The following ZNF407 variants were observed in gnomAD, a reference collection of about 807,000 sequenced individuals.
ZNF407 encodes zinc finger protein 407.
A neutral mutation model predicts 131.2 loss-of-function variants in ZNF407; 17 were observed. The observed-to-expected ratio is 0.13, with a 90% CI of 0.09 to 0.19. The LOEUF is 0.19. Ranked by LOEUF, ZNF407 falls within the 10% of genes least tolerant of loss-of-function variation. The probability of loss-of-function intolerance (pLI) is 1.00; values close to 1 mark genes in which losing one functional copy is unlikely to be tolerated. For synonymous variants in ZNF407, 1,156 were observed against 1,062.0 expected (o/e 1.09, Z -1.72); for missense variants, 2,681 against 2,830.6 (o/e 0.95, Z 1.20).
At chr18:74,908,353 A>G (rs1599235050) in intron 7 of ZNF407, among the ~76,000 whole-genome samples, 1 of 152,164 alleles carries the variant, frequency 6.6e-6, no homozygotes, top group Admixed American at 6.5e-5. Flanking sequence ...TTTAATCCAA[A>G]TGGTATTTAT....
chr18:74,865,458 C>T, intron 4 of ZNF407, among the ~76,000 whole-genome samples: 1 of 152,154 alleles, frequency 6.6e-6, no homozygotes, highest in Non-Finnish European at 1.5e-5. Context: ...GTTAGCTTCC[C>T]TAACACTATA....
intron 4 of ZNF407, among the ~76,000 whole-genome samples, chr18:74,858,042 C>T (rs984827823): frequency 7.0e-6 from 1 of 141,880 alleles, no homozygotes; most frequent in South Asian, 2.4e-4. Flanking sequence ...CCCTCTCTTC[C>T]TTCCCTTCCT....
intron 7 of ZNF407, chr18:74,897,946 T>G (rs941588169): frequency 3.9e-5 from 6 of 152,220 alleles, no homozygotes; most frequent in African/African-American, 1.2e-4. Flanking sequence ...GTTTGTACTT[T>G]ATGTACAAAT....
intron 6 of ZNF407, among the ~76,000 whole-genome samples, chr18:74,885,465 T>G (rs1039137617): frequency 2.0e-5 from 3 of 152,196 alleles, no homozygotes; most frequent in Non-Finnish European, 2.9e-5. Flanking sequence ...GCTATTTTTC[T>G]TAAAGATACC....
chr18:74,616,234 A>G (rs1983283973), intron 1 of ZNF407, among the ~76,000 whole-genome samples: 1 of 152,226 alleles, frequency 6.6e-6, no homozygotes, highest in Non-Finnish European at 1.5e-5. Context: ...TGGGCACCAC[A>G]GTGGACAGGA....
chr18:74,698,142 C>G (rs1353797260), intron 3 of ZNF407, among the ~76,000 whole-genome samples: 1 of 152,162 alleles, frequency 6.6e-6, no homozygotes, highest in Admixed American at 6.5e-5. Context: ...TTCCTTTGTT[C>G]ATGCATAATG....
chr18:74,849,447 G>A (rs1254969890), intron 4 of ZNF407, among the ~76,000 whole-genome samples: 27 of 152,054 alleles, frequency 1.8e-4, no homozygotes, highest in Admixed American at 1.7e-3. Context: ...CCTTATAGAG[G>A]CATTTTGAGG....
chr18:74,955,209 A>G (rs2145284437), intron 8 of ZNF407, among the ~76,000 whole-genome samples: 1 of 152,060 alleles, frequency 6.6e-6, no homozygotes, highest in South Asian at 2.1e-4. Context: ...GTCCAGAGGA[A>G]CTGGAGAGAA....
At chr18:74,945,221 A>T (rs1480793094) in intron 8 of ZNF407, among the ~76,000 whole-genome samples, 6 of 150,840 alleles carry the variant, frequency 4.0e-5, no homozygotes, top group African/African-American at 1.5e-4. Context: ...TGAGATTTTT[A>T]AAAGCGGGAG....
intron 4 of ZNF407, among the ~76,000 whole-genome samples, chr18:74,854,619 TATTTA>T (rs984486649): frequency 6.6e-6 from 1 of 152,170 alleles, no homozygotes; most frequent in African/African-American, 2.4e-5. Context: ...CCTTTAAAAA[TATTTA>T]TTGAGATTGG....
intron 8 of ZNF407, among the ~76,000 whole-genome samples, chr18:75,005,919 A>G (rs1026461050): frequency 2.0e-5 from 3 of 152,102 alleles, no homozygotes; most frequent in African/African-American, 7.2e-5. Flanking sequence ...GACTAAAGTG[A>G]ACAGCGGGTC....
chr18:74,632,236 A>G lies in ZNF407; in HGVS notation c.1217A>G (p.His406Arg). 1.2e-6 allele frequency: 2 copies of G among 1,613,970 alleles called. No individual in the cohort carries two copies. Among genetic ancestry groups the G allele is most frequent in the South Asian group, 1.1e-5 (1 of 91,084 alleles). The change falls in exon 2 of 9, where the codon CAC becomes CGC. Residue 406 changes from histidine (H) to arginine (R), a missense_variant. This residue lies in a region of ZNF407 where 1,789 missense variants were observed against 1,748.7 expected (regional missense o/e 1.02). Transcript: ENST00000299687. ...ACAAAAAATACCCTTCAGGCAGCAC[A>G]CGGTAACAGTGTAACCTCGAGGCCA... ...ESTKNTLQAA[H>R]GNSVTSRPRP...
intron 1 of ZNF407, 59 bp downstream of exon 1, chr18:74,597,996 G>GC (rs1982367164): frequency 6.6e-6 from 1 of 152,242 alleles, no homozygotes; most frequent in East Asian, 1.9e-4. Context: ...CAGCGTCAGC[G>GC]CGGGGCCTGG....
At chr18:74,903,505 G>A (rs1200541073) in intron 7 of ZNF407, among the ~76,000 whole-genome samples, 2 of 151,414 alleles carry the variant, frequency 1.3e-5, no homozygotes, top group Non-Finnish European at 2.9e-5. Context: ...ATTTTTGGAG[G>A]TTGGTTAGGC....
intron 3 of ZNF407, among the ~76,000 whole-genome samples, chr18:74,681,588 TG>T (rs974653298): frequency 1.3e-5 from 2 of 152,190 alleles, no homozygotes; most frequent in African/African-American, 4.8e-5. Flanking sequence ...GTTGAGATGT[TG>T]TGTTATAGAC....
chr18:74,804,232 A>G (rs1970073073), intron 4 of ZNF407: 1 of 1,236,802 alleles, frequency 8.1e-7, no homozygotes, highest in African/African-American at 1.6e-5. Flanking sequence ...TAGTCTAGTG[A>G]TTTTCTGGAA....
intron 8 of ZNF407, among the ~76,000 whole-genome samples, chr18:75,060,802 G>A (rs891725802): frequency 3.3e-5 from 5 of 152,228 alleles, no homozygotes; most frequent in East Asian, 3.9e-4. Flanking sequence ...ACCGCGCCCG[G>A]CCGCAGCTCT....
intron 4 of ZNF407, among the ~76,000 whole-genome samples, chr18:74,820,929 C>T (rs1024947292): frequency 8.5e-5 from 13 of 152,048 alleles, no homozygotes; most frequent in East Asian, 3.9e-4. Flanking sequence ...TACTCTACAA[C>T]GTCTGGCTGA....
At chr18:74,623,337 T>TGTGTGA (rs1555716419) in intron 1 of ZNF407, among the ~76,000 whole-genome samples, 29,247 of 151,564 alleles carry the variant, frequency 0.19, 3,051 homozygotes, top group African/African-American at 0.28. Context: ...TGAAACTGCA[T>TGTGTGA]GTGTGAGTGT....
Sources: allele counts gnomAD v4.1 joint callset (sites outside exome capture counted in the v4.1 genomes callset), GRCh38; gene constraint gnomAD v4.1.1; regional missense constraint gnomAD v4.1.1; transcripts MANE v1.5; gene names NCBI Gene and HGNC (gene_info 2026-07-23, HGNC 2026-07-21).